The following RYR3 variants were observed in gnomAD, a reference collection of about 807,000 sequenced individuals.
RYR3 encodes the protein brain ryanodine receptor-calcium release channel.
RYR3 carries 207 observed loss-of-function variants against 584.3 expected under a neutral mutation model. The ratio of observed to expected loss-of-function variants is 0.35; its 90% CI spans 0.32 to 0.40. RYR3 has a LOEUF of 0.40. RYR3 is among the 10% of genes least tolerant of loss of function. The pLI is 1.00. For synonymous variants in RYR3, 2,416 were observed against 2,248.5 expected (o/e 1.07, Z -2.11); for missense variants, 5,616 against 6,089.2 (o/e 0.92, Z 2.59).
intron 40 of RYR3, among the ~76,000 whole-genome samples, chr15:33,699,165 G>T (rs1370087600): frequency 1.4e-4 from 22 of 151,912 alleles, no homozygotes; most frequent in Admixed American, 1.4e-3. Context: ...TTGACCCAGG[G>T]CACTTGGGCT....
intron 38 of RYR3, among the ~76,000 whole-genome samples, chr15:33,679,944 T>C (rs888699634): frequency 6.6e-6 from 1 of 152,332 alleles, no homozygotes. Flanking sequence ...TAAAGATAAC[T>C]GTTTTTCTGA....
At chr15:33,330,084 C>A (rs1457023462) in intron 1 of RYR3, among the ~76,000 whole-genome samples, 1 of 152,134 alleles carries the variant, frequency 6.6e-6, no homozygotes, top group East Asian at 1.9e-4. Flanking sequence ...TCAGACTGGA[C>A]AGTTTTTCCT....
Position 33,442,914 on chromosome 15 carries a change from A to G in RYR3, c.52-30505A>G, listed in dbSNP as rs191368588. Among the ~76,000 whole-genome samples, 815 of 152,322 alleles carry G rather than the reference A, an allele frequency of 5.4e-3. 6 individuals carry two copies. Among genetic ancestry groups the G allele is most frequent in the African/African-American group, 0.018 (755 of 41,554 alleles). On this transcript the variant is annotated intron_variant, in intron 1 of 103. Transcript: ENST00000634891. Reference sequence around the variant, plus strand: ...CACAGTTGTTCTAATTGTCCTGATAATGGTGATTTCCAGACACATTAGAAG... The same window carrying G: ...CACAGTTGTTCTAATTGTCCTGATAGTGGTGATTTCCAGACACATTAGAAG...
intron 3 of RYR3, among the ~76,000 whole-genome samples, chr15:33,519,805 C>T (rs925989426): frequency 2.0e-5 from 3 of 152,126 alleles, no homozygotes; most frequent in Admixed American, 6.5e-5. Context: ...AGCATCCGTT[C>T]TGTCTATCCC....
chr15:33,477,853 C>G (rs1357956020), intron 2 of RYR3, among the ~76,000 whole-genome samples: 2 of 103,572 alleles, frequency 1.9e-5, no homozygotes, highest in Non-Finnish European at 3.3e-5. Flanking sequence ...CCAGCCTGGG[C>G]GACAGAGCGA....
In RYR3 at chr15:33,613,325, C is replaced by A; in HGVS notation, c.2307C>A (p.Phe769Leu). 8 of 1,613,702 alleles carry A rather than the reference C, an allele frequency of 5.0e-6. No homozygotes were observed. The highest frequency in any genetic ancestry group is 5.9e-6 in the Non-Finnish European group (7 of 1,179,700). The part of the protein sequence containing the change: ...GQPVQGMFEN[F>L]NTDGLFFPVM... ...CCGTGCAGGGGATGTTTGAGAACTTCAACACAGACGGGCTCTTCTTCCCTG... is the reference window on the plus strand; with the variant it reads ...CCGTGCAGGGGATGTTTGAGAACTTAAACACAGACGGGCTCTTCTTCCCTG... Residue 769 changes from phenylalanine to leucine, a missense_variant, in exon 19 of 104, where the codon TTC becomes TTA. Phe to Leu is a conservative substitution (Grantham distance 22). Around this residue, in one of 9 missense-constraint regions of RYR3, gnomAD observed 1,284 missense variants for 1,344.6 expected, o/e 0.95. Coordinates refer to ENST00000634891, the MANE Select transcript of RYR3 (RefSeq NM_001036.6).
At chr15:33,452,999 C>T (rs1175336872) in intron 1 of RYR3, among the ~76,000 whole-genome samples, 1 of 152,196 alleles carries the variant, frequency 6.6e-6, no homozygotes, top group Non-Finnish European at 1.5e-5. Context: ...CCAGAAGCCT[C>T]CTGGCTCCAA....
At chr15:33,860,157 A>AT (rs2080183359) in intron 100 of RYR3, among the ~76,000 whole-genome samples, 1 of 152,222 alleles carries the variant, frequency 6.6e-6, no homozygotes, top group African/African-American at 2.4e-5. Context: ...AAGATGATAA[A>AT]TTTAGCTTGA....
chr15:33,348,238 A>G (rs1226526086), intron 1 of RYR3, among the ~76,000 whole-genome samples: 1 of 152,216 alleles, frequency 6.6e-6, no homozygotes, highest in African/African-American at 2.4e-5. Context: ...AGATAGCTGT[A>G]TCAAAATTGT....
intron 4 of RYR3, 72 bp from the exon 5 acceptor site, chr15:33,533,239 G>A (rs1382489847): frequency 2.0e-6 from 2 of 1,012,320 alleles, no homozygotes; most frequent in Non-Finnish European, 3.0e-6. Context: ...TTAACTAGAA[G>A]CTAACTAGTG....
At chr15:33,361,220 A>G (rs768042678) in intron 1 of RYR3, among the ~76,000 whole-genome samples, 2 of 152,204 alleles carry the variant, frequency 1.3e-5, no homozygotes, top group Non-Finnish European at 2.9e-5. Flanking sequence ...CCTCTTTGGT[A>G]AAGACACCCC....
At chr15:33,437,389 C>G (rs1347168157) in intron 1 of RYR3, among the ~76,000 whole-genome samples, 1 of 152,136 alleles carries the variant, frequency 6.6e-6, no homozygotes, top group African/African-American at 2.4e-5. Flanking sequence ...TATTTGTGTT[C>G]AAGTCAGGAA....
At chr15:33,329,075 T>C (rs1970078440) in intron 1 of RYR3, among the ~76,000 whole-genome samples, 4 of 152,202 alleles carry the variant, frequency 2.6e-5, no homozygotes, top group Non-Finnish European at 1.5e-5. Flanking sequence ...AGTGAACTTC[T>C]GTAGTTGTCT....
intron 18 of RYR3, among the ~76,000 whole-genome samples, chr15:33,612,527 C>A (rs1394575990): frequency 1.3e-5 from 2 of 151,972 alleles, no homozygotes; most frequent in Non-Finnish European, 2.9e-5. Context: ...CACCCGGCTA[C>A]TTTTGTATTT....
At chr15:33,435,780 A>C (rs1350896646) in intron 1 of RYR3, among the ~76,000 whole-genome samples, 1 of 152,166 alleles carries the variant, frequency 6.6e-6, no homozygotes, top group Admixed American at 6.5e-5. Context: ...ACAGCTCTTA[A>C]AGGTGGTGTG....
chr15:33,534,580 C>G (rs1002347741), intron 5 of RYR3, among the ~76,000 whole-genome samples: 3 of 151,796 alleles, frequency 2.0e-5, no homozygotes, highest in African/African-American at 7.3e-5. Flanking sequence ...AAATGCTGAC[C>G]AGGATGGCAC....
At chr15:33,733,534 T>G (rs796405066) in intron 48 of RYR3, among the ~76,000 whole-genome samples, 23 of 152,300 alleles carry the variant, frequency 1.5e-4, no homozygotes, top group African/African-American at 5.5e-4. Flanking sequence ...CTATATGGCT[T>G]TCCGGAAAAG....
intron 86 of RYR3, among the ~76,000 whole-genome samples, chr15:33,832,515 G>T (rs972662469): frequency 1.3e-5 from 2 of 151,668 alleles, no homozygotes; most frequent in Non-Finnish European, 2.9e-5. Flanking sequence ...AATTAGCTGG[G>T]CGTGTTGGTG....
chr15:33,764,889 G>A (rs1009651927), intron 60 of RYR3, among the ~76,000 whole-genome samples: 3 of 151,952 alleles, frequency 2.0e-5, no homozygotes, highest in African/African-American at 7.3e-5. Flanking sequence ...AAATTAGCTG[G>A]GCGTGAAGCC....
Sources: gnomAD v4.1 joint callset for allele counts (sites outside exome capture counted in the v4.1 genomes callset) on GRCh38, gnomAD v4.1.1 for gene constraint, gnomAD v4.1.1 regional missense constraint, MANE v1.5 for transcripts, NCBI Gene and HGNC (gene_info 2026-07-23, HGNC 2026-07-21) for gene names.